The following ITFG1 variants were observed in gnomAD, a reference collection of about 807,000 sequenced individuals.
ITFG1 encodes the protein integrin alpha FG-GAP repeat containing 1.
ITFG1 carries 34 observed loss-of-function variants against 81.8 expected under a neutral mutation model. The ratio of observed to expected loss-of-function variants is 0.42; its 90% CI spans 0.32 to 0.55. ITFG1 has a LOEUF of 0.55. Among genes scored for constraint, ITFG1 ranks in the 20% least tolerant of loss-of-function variants. The probability of loss-of-function intolerance (pLI) is 0.17; values close to 1 mark genes in which losing one functional copy is unlikely to be tolerated. For missense variants in ITFG1, 672 were observed against 755.4 expected (o/e 0.89, Z 1.29); for synonymous variants, 285 against 270.6 (o/e 1.05, Z -0.52).
intron 8 of ITFG1, among the ~76,000 whole-genome samples, chr16:47,362,517 T>C (rs1463467939): frequency 2.6e-5 from 4 of 152,254 alleles, no homozygotes; most frequent in Non-Finnish European, 5.9e-5. Context: ...TGTTATTCAT[T>C]TGGTAATCCA....
chr16:47,393,674 T>C (rs749604579), intron 6 of ITFG1, among the ~76,000 whole-genome samples: 6 of 151,766 alleles, frequency 4.0e-5, no homozygotes, highest in Non-Finnish European at 7.4e-5. Flanking sequence ...GAGGTTGCAG[T>C]GAGCCATGAT....
intron 12 of ITFG1, among the ~76,000 whole-genome samples, chr16:47,255,073 C>T (rs952132256): frequency 1.3e-5 from 2 of 151,930 alleles, no homozygotes; most frequent in African/African-American, 2.4e-5. Flanking sequence ...GGCAATAGAC[C>T]GAGACTCTGT....
intron 6 of ITFG1, among the ~76,000 whole-genome samples, chr16:47,398,843 T>C (rs1389728252): frequency 6.6e-6 from 1 of 152,236 alleles, no homozygotes; most frequent in Non-Finnish European, 1.5e-5. Flanking sequence ...GTTTATACTT[T>C]GGGAAGGCTT....
chr16:47,429,003 T>C (rs1353763055), intron 5 of ITFG1, 105 bp from the exon 6 acceptor site: 5 of 679,402 alleles, frequency 7.4e-6, no homozygotes, highest in Non-Finnish European at 9.8e-6. Flanking sequence ...TTTATTTTCA[T>C]TGATATATTC....
chr16:47,224,030 A>G (rs937522590), intron 13 of ITFG1, among the ~76,000 whole-genome samples: 1 of 131,426 alleles, frequency 7.6e-6, no homozygotes, highest in African/African-American at 2.8e-5. Flanking sequence ...ACACATGGAC[A>G]CAGGAAGGGG....
chr16:47,172,443 G>C (rs1356939799), intron 14 of ITFG1, among the ~76,000 whole-genome samples: 1 of 152,124 alleles, frequency 6.6e-6, no homozygotes, highest in Non-Finnish European at 1.5e-5. Context: ...AGCCATGATC[G>C]TGCCACTGCA....
chr16:47,368,938 T>C lies in ITFG1; in HGVS notation c.721-3069A>G, dbSNP rs192175279. Among the ~76,000 whole-genome samples, 535 of 152,240 alleles carry C rather than the reference T, an allele frequency of 3.5e-3. 14 individuals are homozygous for C. The highest frequency in any genetic ancestry group is 0.031 in the Admixed American group (480 of 15,288). On this transcript the variant is annotated intron_variant, in intron 7 of 17. Coordinates refer to ENST00000320640, the MANE Select transcript of ITFG1 (RefSeq NM_030790.5). ...CATAGTGAGAGTAAGCAGAACACAT[T>C]AGACATGTGACAGAGTTGGGGGAAA...
intron 12 of ITFG1, among the ~76,000 whole-genome samples, chr16:47,250,818 G>C (rs917323846): frequency 6.6e-6 from 1 of 152,228 alleles, no homozygotes; most frequent in Non-Finnish European, 1.5e-5. Flanking sequence ...GGGCAATGGG[G>C]GTGGACCCCC....
chr16:47,425,109 G>A (rs1256011040), intron 6 of ITFG1, among the ~76,000 whole-genome samples: 1 of 152,132 alleles, frequency 6.6e-6, no homozygotes, highest in East Asian at 1.9e-4. Flanking sequence ...GAGCTTCCAG[G>A]CCGCTTTGTT....
intron 6 of ITFG1, among the ~76,000 whole-genome samples, chr16:47,421,311 T>TA (rs1567494330): frequency 2.1e-5 from 3 of 142,374 alleles, no homozygotes; most frequent in Non-Finnish European, 3.1e-5. Flanking sequence ...CACACATACA[T>TA]ATTTTTTTTT....
At chr16:47,164,302 T>C (rs1204377279) in intron 14 of ITFG1, among the ~76,000 whole-genome samples, 2 of 152,158 alleles carry the variant, frequency 1.3e-5, no homozygotes, top group Non-Finnish European at 2.9e-5. Context: ...CTACTTGGCA[T>C]ACCTGGGTCA....
chr16:47,173,209 C>T (rs1428682755), intron 14 of ITFG1, among the ~76,000 whole-genome samples: 1 of 152,186 alleles, frequency 6.6e-6, no homozygotes, highest in Non-Finnish European at 1.5e-5. Context: ...ATCCCTTTTA[C>T]TCTGCTTTAT....
intron 10 of ITFG1, among the ~76,000 whole-genome samples, chr16:47,305,604 T>C (rs1181985163): frequency 1.3e-5 from 2 of 152,158 alleles, no homozygotes; most frequent in Admixed American, 6.5e-5. Flanking sequence ...CAAACTACTA[T>C]GGATAAAGTA....
At chr16:47,374,773 C>CA (rs536170663) in intron 7 of ITFG1, among the ~76,000 whole-genome samples, 32 of 150,190 alleles carry the variant, frequency 2.1e-4, no homozygotes, top group East Asian at 5.9e-4. Flanking sequence ...TTTAAAAAAA[C>CA]AAAAAAAAAG....
chr16:47,223,335 A>T (rs1195024017), intron 13 of ITFG1, among the ~76,000 whole-genome samples: 1 of 152,256 alleles, frequency 6.6e-6, no homozygotes, highest in Admixed American at 6.5e-5. Context: ...CAACCTACTC[A>T]TCTGACAAAG....
intron 10 of ITFG1, among the ~76,000 whole-genome samples, chr16:47,303,042 C>A (rs769521187): frequency 1.3e-5 from 2 of 152,056 alleles, no homozygotes; most frequent in Non-Finnish European, 2.9e-5. Flanking sequence ...GAGGCTGAGG[C>A]GGGTGGATCA....
intron 10 of ITFG1, among the ~76,000 whole-genome samples, chr16:47,292,006 C>G (rs1596865611): frequency 6.6e-6 from 1 of 151,558 alleles, no homozygotes; most frequent in South Asian, 2.1e-4. Flanking sequence ...ATTCATGATG[C>G]CATTTTTCCT....
chr16:47,253,246 A>C (rs747949528), intron 12 of ITFG1, among the ~76,000 whole-genome samples: 34 of 152,216 alleles, frequency 2.2e-4, no homozygotes, highest in Non-Finnish European at 4.4e-4. Flanking sequence ...ACTACAGAAC[A>C]TTTCAAACAA....
intron 6 of ITFG1, among the ~76,000 whole-genome samples, chr16:47,423,263 T>C (rs1379784554): frequency 2.7e-5 from 4 of 150,686 alleles, no homozygotes; most frequent in Non-Finnish European, 5.9e-5. Flanking sequence ...TTTTTTTTTT[T>C]TTTTTTTGCT....
Sources: gnomAD v4.1 joint callset for allele counts (sites outside exome capture counted in the v4.1 genomes callset) on GRCh38, gnomAD v4.1.1 for gene constraint, MANE v1.5 for transcripts, NCBI Gene and HGNC (gene_info 2026-07-23, HGNC 2026-07-21) for gene names.